Variants in SIRPA observed in about 807,000 individuals in gnomAD.
SIRPA encodes tyrosine-protein phosphatase non-receptor type substrate 1.
SIRPA carries 9 observed loss-of-function variants against 50.3 expected under a neutral mutation model. The observed-to-expected ratio is 0.18, with a 90% confidence interval of 0.11 to 0.31. The LOEUF (loss-of-function observed/expected upper bound fraction) is 0.31, where lower values mean the gene tolerates loss of function less well. SIRPA is among the 10% of genes least tolerant of loss of function. The probability of loss-of-function intolerance (pLI) is 1.00; values close to 1 mark genes in which losing one functional copy is unlikely to be tolerated. For missense variants in SIRPA, 474 were observed against 661.6 expected, an observed-to-expected ratio of 0.72 and a Z score of 3.11; for synonymous variants, 265 against 284.1, an observed-to-expected ratio of 0.93 and a Z score of 0.68.
chr20:1,895,499 C>G lies in SIRPA; in HGVS notation c.52C>G (p.Leu18Val). Residue 18 changes from leucine to valine, a missense_variant, in exon 1 of 8, where the codon CTG becomes GTG. By Grantham distance (32) the Leu-to-Val change is conservative (BLOSUM62 1). Coordinates refer to ENST00000358771, the MANE Select transcript of SIRPA (RefSeq NM_001040023.2). ...CCGCCTCGGGCCGCTGCTCTGCCTG[C>G]TGCTCGCCGCGTCCTGCGCCTGGTC... The part of the protein sequence containing the change: ...PGRLGPLLCL[L>V]LAASCAWSGV... 6.8e-7 allele frequency: 1 copy of G among 1,460,912 alleles called. No individual in the cohort carries two copies. Among genetic ancestry groups the G allele is most frequent in the Non-Finnish European group, 9.0e-7 (1 of 1,109,682 alleles). 90.5% of individuals were successfully genotyped at this position (1,460,912 alleles called of 1,614,324 possible). A position where few individuals can be genotyped will look rare whatever the true frequency, so the allele number is the denominator to read the frequency against.
chr20:1,937,586 T>C lies in SIRPA; in HGVS notation c.*18T>C. The stretch of plus-strand genomic sequence containing the variant: ...GGAAGTGAATGGGACCGTGGTTTGC[T>C]CTAGCACCCATCTCTACGCGCTTTC... On this transcript the variant is annotated 3_prime_UTR_variant, in exon 8 of 8. Coordinates refer to ENST00000358771, the MANE Select transcript of SIRPA (RefSeq NM_001040023.2). This position sits in a 1 kb window ranked among gnomAD's most constrained non-coding sequence, Gnocchi z 8.3. 1.2e-6 allele frequency: 2 copies of C among 1,611,272 alleles called. No homozygotes were observed. The highest frequency in any genetic ancestry group is 1.7e-6 in the Non-Finnish European group (2 of 1,178,024).
intron 6 of SIRPA, among the ~76,000 whole-genome samples, chr20:1,929,906 G>C (rs1184900544): frequency 6.6e-6 from 1 of 152,044 alleles, no homozygotes; most frequent in Non-Finnish European, 1.5e-5. Context: ...TGGGCCCCTT[G>C]TGGTCCAGTT....
intron 1 of SIRPA, among the ~76,000 whole-genome samples, chr20:1,908,885 G>A (rs1314079612): frequency 2.0e-5 from 3 of 152,026 alleles, no homozygotes; most frequent in Non-Finnish European, 2.9e-5. Context: ...GTTTGCATCC[G>A]CCTTAATGCA....
upstream of SIRPA, chr20:1,895,200 T>G: frequency 5.5e-6 from 2 of 363,918 alleles, no homozygotes. Flanking sequence ...GCCCCTGGCT[T>G]TATTTCTCGC....
Position 1,928,001 on chromosome 20 carries a change from G to A in SIRPA, c.1226+102G>A. 1.0e-6 allele frequency: 1 copy of A among 967,500 alleles called. No individual in the cohort carries two copies. Among genetic ancestry groups the A allele is most frequent in the Non-Finnish European group, 1.7e-6 (1 of 592,368 alleles). The allele number at this position is 967,500 out of a possible 1,614,324, so 59.9% of individuals were successfully genotyped here. On this transcript the variant is annotated intron_variant, in intron 6 of 7. Transcript: ENST00000358771. This position sits in a 1 kb window ranked among gnomAD's most constrained non-coding sequence, Gnocchi z 4.9. ...ATCCATGTCCACTGACCTCACCAAT[G>A]TGTTGGTCAACATGTCTCTTTCTCT...
intron 1 of SIRPA, among the ~76,000 whole-genome samples, chr20:1,899,740 C>T (rs184567357): frequency 1.6e-4 from 25 of 152,206 alleles, no homozygotes; most frequent in Middle Eastern, 3.4e-3. Flanking sequence ...TGCTAAGACC[C>T]CTGGGTGTTG....
intron 2 of SIRPA, among the ~76,000 whole-genome samples, chr20:1,916,679 A>G (rs1213287704): frequency 6.6e-6 from 1 of 152,244 alleles, no homozygotes; most frequent in African/African-American, 2.4e-5. Flanking sequence ...TGTAATAGCT[A>G]CAGAATACTC....
Position 1,932,923 on chromosome 20 carries a change from T to C in SIRPA, c.1227-1792T>C, listed in dbSNP as rs1285981037. ...GGAAAATCCAGGGGAGACACAGATA[T>C]GGGGAAAATGATAATTGGTTATTGT... On this transcript the variant is annotated intron_variant, in intron 6 of 7. Coordinates refer to ENST00000358771, the MANE Select transcript of SIRPA (RefSeq NM_001040023.2). This position sits in a 1 kb window ranked among gnomAD's most constrained non-coding sequence, Gnocchi z 6.0. Among the ~76,000 whole-genome samples, 2 of 152,314 alleles carry C rather than the reference T, an allele frequency of 1.3e-5. No individual in the cohort carries two copies. Among genetic ancestry groups the C allele is most frequent in the Admixed American group, 6.5e-5 (1 of 15,304 alleles).
intron 6 of SIRPA, among the ~76,000 whole-genome samples, chr20:1,930,005 T>G (rs2267910): frequency 0.51 from 77,709 of 151,544 alleles, 20,088 homozygotes; most frequent in Non-Finnish European, 0.54. Context: ...CCTCCCACAG[T>G]CTGCCCTCCT....
At chr20:1,935,738 C>T (rs971044768) in intron 7 of SIRPA, among the ~76,000 whole-genome samples, 2 of 152,216 alleles carry the variant, frequency 1.3e-5, no homozygotes, top group African/African-American at 4.8e-5. Flanking sequence ...CAGAGACTTA[C>T]TGGGCACCCA....
At chr20:1,926,550 A>G (rs1985992273) in intron 5 of SIRPA, among the ~76,000 whole-genome samples, 1 of 152,224 alleles carries the variant, frequency 6.6e-6, no homozygotes, top group Non-Finnish European at 1.5e-5. Context: ...CTAGCTCTCA[A>G]ACACAGGCTC....
rs942365914 is a variant in SIRPA at position 1,934,502 on chromosome 20, TA to T, written c.1227-206del. ...AAAGATCCTTGCCAATAGAGTAGGT[TA>T]AAAAAATGATAGTGCATTGCTTAGA... On this transcript the variant is annotated intron_variant, in intron 6 of 7. Transcript: ENST00000358771. The surrounding 1 kb of genome is among the most constrained non-coding windows in gnomAD (Gnocchi z 4.6). Among the ~76,000 whole-genome samples the T allele has an allele frequency of 1.4e-4, 22 of 152,162 alleles. No individual in the cohort carries two copies. The highest frequency in any genetic ancestry group is 4.1e-4 in the African/African-American group (17 of 41,422).
Position 1,927,408 on chromosome 20 carries a change from G to C in SIRPA, c.1202-467G>C, listed in dbSNP as rs548542090. Among the ~76,000 whole-genome samples, 3 of 152,336 alleles carry C rather than the reference G, an allele frequency of 2.0e-5. No individual in the cohort carries two copies. Among genetic ancestry groups the C allele is most frequent in the African/African-American group, 4.8e-5 (2 of 41,574 alleles). On this transcript the variant is annotated intron_variant, in intron 5 of 7. Transcript: ENST00000358771. The surrounding 1 kb of genome is among the most constrained non-coding windows in gnomAD (Gnocchi z 6.5). ...CCTGCAAGTTATAGAAGCTGAGAGA[G>C]AGGAAGTGACCCACCCGGGGTCACA...
rs143335460 is a variant in SIRPA, at chr20:1,921,412, G to T, written c.454G>T (p.Val152Leu). ...TTTTGTAGCCAAACCCTCTGCCCCC[G>T]TGGTATCGGGCCCTGCGGCGAGGGC... is the stretch of plus-strand genomic sequence containing the variant. Reference protein sequence around the residue: ...LSVRAKPSAPVVSGPAARATP... With the variant: ...LSVRAKPSAPLVSGPAARATP... Residue 152 changes from valine (V) to leucine (L), a missense_variant, in exon 3 of 8, where the codon GTG becomes TTG. This residue lies in a region of SIRPA where 221 missense variants were observed against 359.9 expected (regional missense o/e 0.61). Transcript: ENST00000358771. 6.2e-7 allele frequency: 1 copy of T among 1,613,452 alleles called. No homozygotes were observed. The highest frequency in any genetic ancestry group is 8.5e-7 in the Non-Finnish European group (1 of 1,179,476).
intron 1 of SIRPA, among the ~76,000 whole-genome samples, chr20:1,902,692 C>T (rs1984293311): frequency 1.3e-5 from 2 of 152,118 alleles, no homozygotes; most frequent in South Asian, 4.1e-4. Flanking sequence ...GGGAGGGCCG[C>T]TCTAAGGAGC....
At chr20:1,925,548 CGT>C (rs1204500800) in intron 5 of SIRPA, among the ~76,000 whole-genome samples, 1 of 152,192 alleles carries the variant, frequency 6.6e-6, no homozygotes, top group Non-Finnish European at 1.5e-5. Context: ...GCACGTGTTA[CGT>C]GTGTGTCTGT....
At chr20:1,926,758 G>A (rs759044708) in intron 5 of SIRPA, among the ~76,000 whole-genome samples, 54 of 152,288 alleles carry the variant, frequency 3.5e-4, no homozygotes, top group Non-Finnish European at 5.1e-4. Flanking sequence ...AGGTGGTGGG[G>A]CCAGAATTTA....
chr20:1,930,616 G>A (rs1463501114), intron 6 of SIRPA, among the ~76,000 whole-genome samples: 1 of 152,094 alleles, frequency 6.6e-6, no homozygotes, highest in African/African-American at 2.4e-5. Flanking sequence ...TTGAGACGGA[G>A]TTTTGCTCTT....
In SIRPA at chr20:1,937,429, G is replaced by C. The variant is rs1472334782; in HGVS notation, c.1376G>C (p.Ser459Thr). ...NHTEYASIQTSPQPASEDTLT... is the reference protein window; with the variant it reads ...NHTEYASIQTTPQPASEDTLT... ...ACGGAGTATGCCAGCATTCAGACCA[G>C]CCCGCAGCCCGCGTCGGAGGACACC... The change falls in exon 8 of 8, where the codon AGC becomes ACC. Residue 459 changes from serine (S) to threonine (T), a missense_variant. Transcript: ENST00000358771. This position sits in a 1 kb window ranked among gnomAD's most constrained non-coding sequence, Gnocchi z 8.3. 2 of 1,614,050 alleles carry C rather than the reference G, an allele frequency of 1.2e-6. No individual in the cohort carries two copies. The highest frequency in any genetic ancestry group is 2.2e-5 in the South Asian group (2 of 91,072).
Sources: gnomAD v4.1 joint callset for allele counts (sites outside exome capture counted in the v4.1 genomes callset) on GRCh38, gnomAD v4.1.1 for gene constraint, gnomAD v4.1.1 regional missense constraint, Gnocchi (gnomAD v3.1) non-coding constraint, MANE v1.5 for transcripts, NCBI Gene and HGNC (gene_info 2026-07-23, HGNC 2026-07-21) for gene names.